ARHGAP26: variants seen among roughly 807,000 people sequenced by gnomAD.
ARHGAP26 encodes the protein rho GTPase-activating protein 26.
Under a neutral mutation model 104.8 loss-of-function variants are expected in ARHGAP26, and 38 were observed. The ratio of observed to expected loss-of-function variants is 0.36; its 90% CI spans 0.28 to 0.48. The LOEUF is 0.48. ARHGAP26 is among the 20% of genes least tolerant of loss of function. The pLI is 0.99. For synonymous variants in ARHGAP26, 341 were observed against 340.0 expected, an observed-to-expected ratio of 1.00 and a Z score of -0.03; for missense variants, 704 against 947.9, an observed-to-expected ratio of 0.74 and a Z score of 3.38.
At chr5:143,176,865 C>G (rs186976192) in intron 20 of ARHGAP26, among the ~76,000 whole-genome samples, 10 of 152,260 alleles carry the variant, frequency 6.6e-5, no homozygotes, top group African/African-American at 2.4e-4. Context: ...TCTCAGAATC[C>G]GTAAATGCCT....
At chr5:142,891,851 A>AATATGCTTTC (rs1285263976) in intron 5 of ARHGAP26, among the ~76,000 whole-genome samples, 3 of 151,962 alleles carry the variant, frequency 2.0e-5, no homozygotes, top group African/African-American at 7.3e-5. Flanking sequence ...TTGTCATTGA[A>AATATGCTTTC]ATATGCTTTC....
In ARHGAP26 at chr5:142,901,928, A is replaced by G. The variant is rs74628507; in HGVS notation, c.598-7A>G. The G allele has an allele frequency of 2.8e-3, 4,544 of 1,613,308 alleles. 140 individuals carry two copies. The African/African-American group carries it at 0.054, about 19-fold the overall frequency. On this transcript the variant is annotated splice_polypyrimidine_tract_variant and splice_region_variant and intron_variant, in intron 6 of 22. Coordinates refer to ENST00000645722, the MANE Select transcript of ARHGAP26 (RefSeq NM_001135608.3). The stretch of plus-strand genomic sequence containing the variant: ...ATGTGACCTTTGCCTTTCTTCCTTC[A>G]TTACAGCTGCTGGCCTTCCTGCAAG...
In ARHGAP26 at chr5:142,857,082, C is replaced by T. The variant is rs148719126; in HGVS notation, c.155-16318C>T. ...TGTAGCTGTGTCACTTCAGTTTCTC[C>T]CTCCATCTTCACAGGGCCTTCTTCC... On this transcript the variant is annotated intron_variant, in intron 1 of 22. Transcript: ENST00000645722. Among the ~76,000 whole-genome samples, 947 of 152,242 alleles carry T rather than the reference C, an allele frequency of 6.2e-3. 8 individuals carry two copies. The highest frequency in any genetic ancestry group is 0.022 in the African/African-American group (902 of 41,540).
At chr5:143,025,709 C>T (rs926698550) in intron 12 of ARHGAP26, among the ~76,000 whole-genome samples, 2 of 152,220 alleles carry the variant, frequency 1.3e-5, no homozygotes, top group Non-Finnish European at 2.9e-5. Context: ...TAGAAACCCA[C>T]AAAGAAACAC....
At chr5:142,963,172 GTATATATATATATATATATATA>G (rs58576577) in intron 11 of ARHGAP26, among the ~76,000 whole-genome samples, 2 of 89,080 alleles carry the variant, frequency 2.2e-5, no homozygotes, top group African/African-American at 9.5e-5. Flanking sequence ...TGGTATATAT[GTATATATATATATATATATATA>G]TATATGTGTG....
intron 11 of ARHGAP26, among the ~76,000 whole-genome samples, chr5:142,948,613 T>G (rs1284624904): frequency 1.3e-5 from 2 of 151,776 alleles, no homozygotes; most frequent in Non-Finnish European, 2.9e-5. Context: ...TTAGTCAGCC[T>G]TCCATTTCCT....
intron 1 of ARHGAP26, among the ~76,000 whole-genome samples, chr5:142,858,061 C>CTGTGTGTGTGTGTGTGTGTGTGTG (rs746146391): frequency 7.4e-6 from 1 of 134,316 alleles, no homozygotes; most frequent in Non-Finnish European, 1.6e-5. Flanking sequence ...GAGAGAGAAT[C>CTGTGTGTGTGTGTGTGTGTGTGTG]TGTGTGTGTG....
At chr5:142,963,188 A>ACATATATATATATATATG (rs1334910204) in intron 11 of ARHGAP26, among the ~76,000 whole-genome samples, 3 of 109,782 alleles carry the variant, frequency 2.7e-5, no homozygotes, top group East Asian at 2.8e-4. Flanking sequence ...ATATATATAT[A>ACATATATATATATATATG]TATATATATA....
chr5:143,141,860 G>A (rs1279881840), intron 19 of ARHGAP26, among the ~76,000 whole-genome samples: 1 of 152,102 alleles, frequency 6.6e-6, no homozygotes, highest in Non-Finnish European at 1.5e-5. Context: ...GGTGTTTTAG[G>A]GCCAGTCTTC....
chr5:143,083,193 A>G (rs944998011), intron 17 of ARHGAP26, among the ~76,000 whole-genome samples: 3 of 152,238 alleles, frequency 2.0e-5, no homozygotes, highest in African/African-American at 7.2e-5. Context: ...GCTAGTTTAC[A>G]TTATTAGGCC....
intron 20 of ARHGAP26, among the ~76,000 whole-genome samples, chr5:143,206,850 C>T (rs778135009): frequency 3.3e-5 from 5 of 152,240 alleles, no homozygotes; most frequent in Non-Finnish European, 7.3e-5. Flanking sequence ...ATAAGCTAGC[C>T]CTGCCTCAGA....
At chr5:142,774,075 T>G (rs1755803673) in intron 1 of ARHGAP26, among the ~76,000 whole-genome samples, 1 of 152,216 alleles carries the variant, frequency 6.6e-6, no homozygotes, top group South Asian at 2.1e-4. Context: ...AAAATCCTAA[T>G]GGAACAAATG....
chr5:143,111,864 C>G (rs1297114409), intron 17 of ARHGAP26, among the ~76,000 whole-genome samples: 1 of 152,184 alleles, frequency 6.6e-6, no homozygotes, highest in Non-Finnish European at 1.5e-5. Context: ...GCTGCTGTGG[C>G]CAACCACGTC....
intron 14 of ARHGAP26, among the ~76,000 whole-genome samples, chr5:143,047,879 C>T (rs1439497764): frequency 6.6e-6 from 1 of 151,608 alleles, no homozygotes; most frequent in African/African-American, 2.4e-5. Flanking sequence ...AGTGCAGTGG[C>T]TAAGTGTTGG....
intron 11 of ARHGAP26, among the ~76,000 whole-genome samples, chr5:142,974,328 C>T (rs1464858045): frequency 4.6e-5 from 7 of 151,836 alleles, no homozygotes; most frequent in Non-Finnish European, 1.0e-4. Context: ...GCAGGAAGGG[C>T]TCTGGTTCTC....
At chr5:143,097,561 C>T (rs541432043) in intron 17 of ARHGAP26, among the ~76,000 whole-genome samples, 99 of 151,968 alleles carry the variant, frequency 6.5e-4, no homozygotes, top group African/African-American at 2.3e-3. Context: ...TGGCTCACGC[C>T]TGTAATCCCA....
At chr5:143,028,062 C>T (rs1243372555) in intron 12 of ARHGAP26, among the ~76,000 whole-genome samples, 1 of 152,144 alleles carries the variant, frequency 6.6e-6, no homozygotes, top group African/African-American at 2.4e-5. Context: ...GCCCAAGAGT[C>T]AGACTGAGTT....
intron 20 of ARHGAP26, among the ~76,000 whole-genome samples, chr5:143,172,000 G>A (rs893523451): frequency 6.6e-6 from 1 of 152,084 alleles, no homozygotes; most frequent in African/African-American, 2.4e-5. Context: ...GATTTATTAA[G>A]TGATGACTTT....
chr5:143,121,463 C>G (rs1232418803), intron 18 of ARHGAP26, among the ~76,000 whole-genome samples: 2 of 152,154 alleles, frequency 1.3e-5, no homozygotes, highest in Non-Finnish European at 2.9e-5. Context: ...CACAACAATT[C>G]AATGAAGGAA....
Sources: gnomAD v4.1 joint callset for allele counts (sites outside exome capture counted in the v4.1 genomes callset) on GRCh38, gnomAD v4.1.1 for gene constraint, MANE v1.5 for transcripts, NCBI Gene and HGNC (gene_info 2026-07-23, HGNC 2026-07-21) for gene names.